MGAT4C: variants seen among roughly 807,000 people sequenced by gnomAD.
MGAT4C encodes MGAT4 family member C.
MGAT4C carries 19 observed loss-of-function variants against 40.1 expected under a neutral mutation model. That is an observed-to-expected ratio of 0.47 (90% confidence interval 0.33 to 0.70). MGAT4C has a LOEUF of 0.70. MGAT4C is among the 30% of genes least tolerant of loss of function. MGAT4C has a pLI of 0.02. For missense variants in MGAT4C, 491 were observed against 563.2 expected, an observed-to-expected ratio of 0.87 and a Z score of 1.30; for synonymous variants, 181 against 187.1, an observed-to-expected ratio of 0.97 and a Z score of 0.27.
chr12:86,510,965 T>A (rs1021521551), intron 2 of MGAT4C, among the ~76,000 whole-genome samples: 3 of 151,970 alleles, frequency 2.0e-5, no homozygotes, highest in African/African-American at 7.3e-5. Context: ...ACCCAGGAAT[T>A]GAACTCAGCT....
chr12:86,490,419 G>A (rs1172133100), intron 2 of MGAT4C, among the ~76,000 whole-genome samples: 1 of 151,926 alleles, frequency 6.6e-6, no homozygotes, highest in East Asian at 1.9e-4. Flanking sequence ...AGCTCCTGAA[G>A]GAAGCACTAA....
rs369051385 is a variant in MGAT4C at position 85,979,477 on chromosome 12, C to T, written c.1249G>A (p.Val417Ile). 4.2e-5 allele frequency: 67 copies of T among 1,613,242 alleles called. No homozygotes were observed. Among genetic ancestry groups the T allele is most frequent in the Non-Finnish European group, 5.1e-5 (60 of 1,179,592 alleles). The change falls in exon 5 of 5, where the codon GTT becomes ATT. Residue 417 changes from valine (V) to isoleucine (I), a missense_variant. By Grantham distance (29) the Val-to-Ile change is conservative. Transcript: ENST00000611864. ...HHGALDVGEN[V>I]MPSKQRRQCS... ...TGTCTCCTTTGTTTGCTAGGCATAACGTTTTCCCCAACATCTAGGGCTCCA... is the reference window on the plus strand; with the variant it reads ...TGTCTCCTTTGTTTGCTAGGCATAATGTTTTCCCCAACATCTAGGGCTCCA...
intron 1 of MGAT4C, among the ~76,000 whole-genome samples, chr12:86,209,202 GC>G (rs1405397540): frequency 6.6e-6 from 1 of 151,866 alleles, no homozygotes; most frequent in Non-Finnish European, 1.5e-5. Flanking sequence ...AATATTAAGA[GC>G]TTTTCCATTA....
chr12:85,989,288 C>T (rs1162455948), intron 3 of MGAT4C, 112 bp downstream of exon 3: 2 of 1,056,878 alleles, frequency 1.9e-6, no homozygotes, highest in East Asian at 2.8e-5. Context: ...TAATTTTGCT[C>T]AAACTAAGTC....
At chr12:86,581,388 G>A (rs552937130) in intron 2 of MGAT4C, among the ~76,000 whole-genome samples, 1 of 151,468 alleles carries the variant, frequency 6.6e-6, no homozygotes, top group East Asian at 1.9e-4. Flanking sequence ...TGAATATTAG[G>A]CCAAAAGACC....
At chr12:86,429,796 C>T (rs1322254527) in intron 3 of MGAT4C, among the ~76,000 whole-genome samples, 1 of 152,082 alleles carries the variant, frequency 6.6e-6, no homozygotes, top group Non-Finnish European at 1.5e-5. Flanking sequence ...TTCATGCTTT[C>T]TGTATCTGGT....
At chr12:86,573,443 A>T (rs1960444951) in intron 2 of MGAT4C, among the ~76,000 whole-genome samples, 1 of 151,996 alleles carries the variant, frequency 6.6e-6, no homozygotes, top group Admixed American at 6.6e-5. Context: ...CATTTTACTG[A>T]CTAATCTTTT....
At chr12:86,314,092 A>G (rs962102822) in intron 4 of MGAT4C, among the ~76,000 whole-genome samples, 46 of 152,242 alleles carry the variant, frequency 3.0e-4, no homozygotes, top group African/African-American at 1.1e-3. Flanking sequence ...CAGGAGCACA[A>G]TAAGCTCCCT....
chr12:86,620,564 A>C (rs1185705904), intron 2 of MGAT4C, among the ~76,000 whole-genome samples: 1 of 152,178 alleles, frequency 6.6e-6, no homozygotes, highest in African/African-American at 2.4e-5. Flanking sequence ...AGATTCTATA[A>C]GGTGGGAGGG....
chr12:86,353,432 T>G (rs147734679), intron 3 of MGAT4C, among the ~76,000 whole-genome samples: 1 of 152,172 alleles, frequency 6.6e-6, no homozygotes, highest in Non-Finnish European at 1.5e-5. Context: ...CACTTTATTC[T>G]CCCATCTCTT....
At chr12:86,750,497 C>T (rs1437890732) in intron 1 of MGAT4C, among the ~76,000 whole-genome samples, 3 of 151,806 alleles carry the variant, frequency 2.0e-5, no homozygotes, top group Non-Finnish European at 4.4e-5. Context: ...GACAAACAAA[C>T]AAACAAAAAC....
chr12:86,710,492 A>G (rs1011353581), intron 2 of MGAT4C, among the ~76,000 whole-genome samples: 1 of 152,184 alleles, frequency 6.6e-6, no homozygotes, highest in African/African-American at 2.4e-5. Context: ...TGACTTTTTA[A>G]TTATGGCCAT....
At chr12:86,726,643 C>T (rs1950826626) in intron 2 of MGAT4C, among the ~76,000 whole-genome samples, 1 of 151,972 alleles carries the variant, frequency 6.6e-6, no homozygotes, top group Non-Finnish European at 1.5e-5. Context: ...TGTGCATATT[C>T]CTTTCTAATA....
At chr12:86,823,637 C>CA (rs1277535324) in intron 1 of MGAT4C, among the ~76,000 whole-genome samples, 1 of 147,174 alleles carries the variant, frequency 6.8e-6, no homozygotes, top group Admixed American at 6.8e-5. Context: ...AGAAAATGGG[C>CA]AAAAAATAAA....
At chr12:86,648,657 T>C (rs1396537345) in intron 2 of MGAT4C, among the ~76,000 whole-genome samples, 1 of 151,888 alleles carries the variant, frequency 6.6e-6, no homozygotes, top group African/African-American at 2.4e-5. Flanking sequence ...ACCTTGATCT[T>C]GAACGTCCCG....
intron 2 of MGAT4C, among the ~76,000 whole-genome samples, chr12:86,516,052 G>A (rs1384447380): frequency 1.3e-5 from 2 of 151,644 alleles, no homozygotes; most frequent in African/African-American, 2.4e-5. Context: ...CCCATTTAAA[G>A]CAATTCTTAT....
intron 2 of MGAT4C, among the ~76,000 whole-genome samples, chr12:86,657,346 T>C (rs891056026): frequency 6.6e-6 from 1 of 151,806 alleles, no homozygotes; most frequent in Non-Finnish European, 1.5e-5. Context: ...CTCATGACCA[T>C]AGGGAGAAAT....
intron 1 of MGAT4C, among the ~76,000 whole-genome samples, chr12:86,752,482 T>C (rs774921452): frequency 3.3e-5 from 5 of 152,082 alleles, no homozygotes; most frequent in Non-Finnish European, 5.9e-5. Context: ...TTAGGTCTTT[T>C]AGATTTTCAT....
chr12:86,433,788 C>T (rs1301441005), intron 3 of MGAT4C, among the ~76,000 whole-genome samples: 1 of 152,012 alleles, frequency 6.6e-6, no homozygotes, highest in Non-Finnish European at 1.5e-5. Context: ...AAAATTAAGT[C>T]TCATTGTATT....
Sources: allele counts gnomAD v4.1 joint callset (sites outside exome capture counted in the v4.1 genomes callset), GRCh38; gene constraint gnomAD v4.1.1; transcripts MANE v1.5; gene names NCBI Gene and HGNC (gene_info 2026-07-23, HGNC 2026-07-21).